NTNG1: variants seen among roughly 807,000 people sequenced by gnomAD.
NTNG1 encodes the protein netrin-G1.
NTNG1 carries 16 observed loss-of-function variants against 54.0 expected under a neutral mutation model. The ratio of observed to expected loss-of-function variants is 0.30; its 90% CI spans 0.20 to 0.45. NTNG1 has a LOEUF of 0.45. Among genes scored for constraint, NTNG1 ranks in the 20% least tolerant of loss-of-function variants. The pLI is 1.00. For synonymous variants in NTNG1, 255 were observed against 263.1 expected, an observed-to-expected ratio of 0.97 and a Z score of 0.30; for missense variants, 530 against 678.7, an observed-to-expected ratio of 0.78 and a Z score of 2.43.
At chr1:107,419,406 A>C (rs574528556) in intron 5 of NTNG1, among the ~76,000 whole-genome samples, 1 of 143,594 alleles carries the variant, frequency 7.0e-6, no homozygotes, top group African/African-American at 2.5e-5. Context: ...CTAATGTCAA[A>C]GAAGAAAAAG....
intron 2 of NTNG1, among the ~76,000 whole-genome samples, chr1:107,271,219 T>G (rs978419197): frequency 6.6e-6 from 1 of 152,222 alleles, no homozygotes; most frequent in South Asian, 2.1e-4. Context: ...ATTATTATAC[T>G]CTAAGTTTTA....
chr1:107,399,134 C>T (rs1478759450), intron 4 of NTNG1, among the ~76,000 whole-genome samples: 1 of 152,106 alleles, frequency 6.6e-6, no homozygotes, highest in Non-Finnish European at 1.5e-5. Flanking sequence ...ATTCATATTA[C>T]ATTACTATAA....
In NTNG1 at chr1:107,382,292, C is replaced by A. The variant is rs116728869; in HGVS notation, c.888-12862C>A. ...GAGACATTTTTCAACATAGATCAAA[C>A]CCTTTAAATTTCAAAGAAATTAGCC... On this transcript the variant is annotated intron_variant, in intron 3 of 7. Coordinates refer to ENST00000370068, the MANE Select transcript of NTNG1 (RefSeq NM_001113226.3). Among the ~76,000 whole-genome samples the A allele has an allele frequency of 3.8e-3, 584 of 152,194 alleles. 1 individual carries two copies. The highest frequency in any genetic ancestry group is 0.013 in the African/African-American group (548 of 41,498).
rs897083967 is a variant in NTNG1 at position 107,210,120 on chromosome 1, G to C, written c.246+61281G>C. ...GTGAACAGTGAGGACATTAACGGAG[G>C]GGGAGAGGACACTGCTCAAGGATAT... On this transcript the variant is annotated intron_variant, in intron 2 of 7. Coordinates refer to ENST00000370068, the MANE Select transcript of NTNG1 (RefSeq NM_001113226.3). Among the ~76,000 whole-genome samples, 17 of 152,108 alleles carry C rather than the reference G, an allele frequency of 1.1e-4. 1 individual carries two copies. The highest frequency in any genetic ancestry group is 3.9e-4 in the East Asian group (2 of 5,182).
chr1:107,218,595 C>A lies in NTNG1; in HGVS notation c.246+69756C>A, dbSNP rs1390413993. On this transcript the variant is annotated intron_variant, in intron 2 of 7. Transcript: ENST00000370068. ...GGAGATTCTATTTTGGTGTATTTCACACATTCATTTCAAGATTTAGAGCTC... is the reference window on the plus strand; with the variant it reads ...GGAGATTCTATTTTGGTGTATTTCAAACATTCATTTCAAGATTTAGAGCTC... 5.3e-5 allele frequency among the ~76,000 whole-genome samples: 7 copies of A among 132,532 alleles called. No individual in the cohort carries two copies. In the East Asian group the frequency reaches 1.7e-3, roughly 33 times the overall value. The allele number at this position is 132,532 out of a possible 152,430, so 86.9% of individuals were successfully genotyped here.
chr1:107,253,121 C>G (rs1662716541), intron 2 of NTNG1, among the ~76,000 whole-genome samples: 1 of 152,130 alleles, frequency 6.6e-6, no homozygotes, highest in Non-Finnish European at 1.5e-5. Context: ...CAGAACAGAC[C>G]TACAAGTCTT....
intron 3 of NTNG1, among the ~76,000 whole-genome samples, chr1:107,383,879 C>T (rs1671789373): frequency 6.6e-6 from 1 of 152,244 alleles, no homozygotes; most frequent in Non-Finnish European, 1.5e-5. Context: ...TTTGCCACAC[C>T]TGTGCATATA....
chr1:107,369,286 T>A (rs952354440), intron 3 of NTNG1, among the ~76,000 whole-genome samples: 1 of 152,186 alleles, frequency 6.6e-6, no homozygotes, highest in African/African-American at 2.4e-5. Flanking sequence ...CCGAATCATA[T>A]GGTAAACATA....
intron 2 of NTNG1, among the ~76,000 whole-genome samples, chr1:107,250,661 A>T (rs188952837): frequency 1.3e-5 from 2 of 152,354 alleles, no homozygotes; most frequent in Admixed American, 1.3e-4. Flanking sequence ...CCTTTGCAAA[A>T]CTGCCTTCAA....
At chr1:107,232,195 T>C (rs747233529) in intron 2 of NTNG1, among the ~76,000 whole-genome samples, 3 of 152,220 alleles carry the variant, frequency 2.0e-5, no homozygotes, top group Non-Finnish European at 4.4e-5. Flanking sequence ...ACTATAATAG[T>C]ATCTTTTCAA....
intron 2 of NTNG1, among the ~76,000 whole-genome samples, chr1:107,277,809 A>G (rs1664580305): frequency 1.3e-5 from 2 of 152,244 alleles, no homozygotes; most frequent in Admixed American, 6.5e-5. Context: ...TATCTAATTT[A>G]TAGGAGTTTT....
chr1:107,348,113 TTTA>T (rs147243583), intron 3 of NTNG1, among the ~76,000 whole-genome samples: 124,006 of 148,368 alleles, frequency 0.84, 52,005 homozygotes, highest in Non-Finnish European at 0.86. Flanking sequence ...TTTGTTTGCT[TTTA>T]TTATTATTAT....
chr1:107,430,779 T>C lies in NTNG1; in HGVS notation c.1117T>C (p.Cys373Arg). ...NCECFGHSNR[C>R]SYIDLLNTVI... ...TGAATGCTTCGGCCACTCCAATCGA[T>C]GCAGTTATATCGATCTGCTAAATAC... Residue 373 changes from cysteine to arginine, a missense_variant, in exon 6 of 8, where the codon TGC (cysteine) becomes CGC (arginine). Physicochemically the swap from Cys to Arg is radical, Grantham distance 180. This residue lies in a region of NTNG1 where 318 missense variants were observed against 465.1 expected (regional missense o/e 0.68). Transcript: ENST00000370068. 1 of 1,613,356 alleles carries C rather than the reference T, an allele frequency of 6.2e-7. No homozygotes were observed. Among genetic ancestry groups the C allele is most frequent in the Non-Finnish European group, 8.5e-7 (1 of 1,179,626 alleles).
chr1:107,342,988 T>C (rs896089631), intron 3 of NTNG1, among the ~76,000 whole-genome samples: 2 of 152,116 alleles, frequency 1.3e-5, no homozygotes, highest in Non-Finnish European at 2.9e-5. Flanking sequence ...TGATGAAATA[T>C]CATGGGTATC....
chr1:107,325,124 A>T (rs1166859290), intron 3 of NTNG1, among the ~76,000 whole-genome samples: 2 of 152,134 alleles, frequency 1.3e-5, no homozygotes, highest in Non-Finnish European at 2.9e-5. Context: ...GCTGTCCCTG[A>T]ACCTGGCATG....
chr1:107,396,135 C>G (rs989870901), intron 4 of NTNG1, among the ~76,000 whole-genome samples: 2 of 152,094 alleles, frequency 1.3e-5, no homozygotes, highest in African/African-American at 4.8e-5. Flanking sequence ...GGTTTGCACT[C>G]TTTAAAAAGT....
At chr1:107,345,174 C>T (rs1460383121) in intron 3 of NTNG1, among the ~76,000 whole-genome samples, 2 of 152,100 alleles carry the variant, frequency 1.3e-5, no homozygotes, top group Admixed American at 1.3e-4. Context: ...CATTTATTTA[C>T]CTGGGAATTT....
At chr1:107,233,338 G>A (rs1043688796) in intron 2 of NTNG1, among the ~76,000 whole-genome samples, 16 of 152,150 alleles carry the variant, frequency 1.1e-4, no homozygotes, top group Non-Finnish European at 1.9e-4. Flanking sequence ...TAACAGGATT[G>A]TTGTTTATAT....
chr1:107,320,717 CT>C (rs11411662), intron 2 of NTNG1, among the ~76,000 whole-genome samples: 6 of 136,814 alleles, frequency 4.4e-5, no homozygotes, highest in South Asian at 2.3e-4. Flanking sequence ...AAAATGAAAT[CT>C]TTTTTTTTTC....
Sources: allele counts gnomAD v4.1 joint callset (sites outside exome capture counted in the v4.1 genomes callset), GRCh38; gene constraint gnomAD v4.1.1; regional missense constraint gnomAD v4.1.1; transcripts MANE v1.5; gene names NCBI Gene and HGNC (gene_info 2026-07-23, HGNC 2026-07-21).